Variants in DLGAP1 observed in about 807,000 individuals in gnomAD.
DLGAP1 encodes DLG associated protein 1, also known as disks large-associated protein 1.
In DLGAP1, 11 loss-of-function variants were observed where a neutral mutation model predicts 90.8. The ratio of observed to expected loss-of-function variants is 0.12; its 90% confidence interval spans 0.08 to 0.20. The LOEUF (loss-of-function observed/expected upper bound fraction) is 0.20, where lower values mean the gene tolerates loss of function less well. Ranked by LOEUF, DLGAP1 falls within the 10% of genes least tolerant of loss-of-function variation. The pLI, the probability that DLGAP1 is intolerant of heterozygous loss-of-function variation, is 1.00. For missense variants in DLGAP1, 1,050 were observed against 1,333.8 expected, an observed-to-expected ratio of 0.79 and a Z score of 3.31; for synonymous variants, 558 against 540.7, an observed-to-expected ratio of 1.03 and a Z score of -0.44.
chr18:4,384,604 CT>C (rs1174848317), intron 1 of DLGAP1, among the ~76,000 whole-genome samples: 1 of 152,058 alleles, frequency 6.6e-6, no homozygotes, highest in Non-Finnish European at 1.5e-5. Context: ...ATCAAATACT[CT>C]CTCTATATTT....
intron 2 of DLGAP1, among the ~76,000 whole-genome samples, chr18:4,042,672 G>A (rs1033855974): frequency 2.4e-4 from 36 of 152,294 alleles, no homozygotes; most frequent in African/African-American, 7.7e-4. Context: ...CCTCGGAGGC[G>A]AAGGTTGCAA....
chr18:4,280,296 T>C (rs555237503), intron 1 of DLGAP1, among the ~76,000 whole-genome samples: 183 of 152,346 alleles, frequency 1.2e-3, no homozygotes, highest in Non-Finnish European at 2.1e-3. Flanking sequence ...AAATATTTAT[T>C]GGAAACAATC....
At chr18:3,769,531 T>C (rs2064417148) in intron 5 of DLGAP1, among the ~76,000 whole-genome samples, 1 of 152,186 alleles carries the variant, frequency 6.6e-6, no homozygotes, top group South Asian at 2.1e-4. Flanking sequence ...TAAACTGTAG[T>C]ACATCCATGG....
chr18:4,099,329 ATCTATCTATCTATCTATCTGTCTG>A (rs201975649), intron 2 of DLGAP1, among the ~76,000 whole-genome samples: 3,025 of 145,760 alleles, frequency 0.021, 101 homozygotes, highest in African/African-American at 0.064. Flanking sequence ...CTATCTATCT[ATCTATCTATCTATCTATCTGTCTG>A]TCTGTCTATC....
chr18:4,382,771 C>G (rs1455966078), intron 1 of DLGAP1, among the ~76,000 whole-genome samples: 2 of 152,066 alleles, frequency 1.3e-5, no homozygotes, highest in East Asian at 3.9e-4. Context: ...CATGCTATCT[C>G]ACATGTATAC....
At chr18:4,400,498 C>G (rs2082532070) in intron 1 of DLGAP1, among the ~76,000 whole-genome samples, 1 of 152,122 alleles carries the variant, frequency 6.6e-6, no homozygotes, top group Non-Finnish European at 1.5e-5. Context: ...CAGGTTGGCT[C>G]TTTCCTGTGT....
intron 3 of DLGAP1, among the ~76,000 whole-genome samples, chr18:3,963,984 T>C (rs1190368758): frequency 6.6e-6 from 1 of 152,232 alleles, no homozygotes; most frequent in Non-Finnish European, 1.5e-5. Context: ...TTCTTTCTTT[T>C]TATTTCTATA....
chr18:3,650,334 G>A lies in DLGAP1; in HGVS notation c.1592-68086C>T, dbSNP rs2059252567. 3.3e-5 allele frequency among the ~76,000 whole-genome samples: 5 copies of A among 152,220 alleles called. No homozygotes were observed. The South Asian group carries it at 6.2e-4, about 19-fold the overall frequency. ...GCTGGGATTACAGTTGTGAGTCACC[G>A]TGCCTGGTTGAAACATTTATATTTC... is the stretch of plus-strand genomic sequence containing the variant. On this transcript the variant is annotated intron_variant, in intron 7 of 12. Transcript: ENST00000315677.
At chr18:3,948,472 C>A (rs890333558) in intron 3 of DLGAP1, among the ~76,000 whole-genome samples, 9 of 152,192 alleles carry the variant, frequency 5.9e-5, no homozygotes, top group Admixed American at 1.3e-4. Context: ...CTTCCTACTG[C>A]CTGCCTCTCT....
intron 1 of DLGAP1, among the ~76,000 whole-genome samples, chr18:4,195,561 T>TA (rs1296542767): frequency 1.3e-5 from 2 of 152,204 alleles, no homozygotes; most frequent in African/African-American, 4.8e-5. Flanking sequence ...TCTATTTATT[T>TA]TTTTTTTGAG....
intron 3 of DLGAP1, among the ~76,000 whole-genome samples, chr18:3,949,759 C>G (rs889319114): frequency 6.6e-6 from 1 of 152,056 alleles, no homozygotes; most frequent in African/African-American, 2.4e-5. Context: ...ATATTTTGTT[C>G]TAAAAATCTG....
intron 7 of DLGAP1, among the ~76,000 whole-genome samples, chr18:3,720,663 T>A (rs895690627): frequency 2.0e-5 from 3 of 152,088 alleles, no homozygotes; most frequent in Admixed American, 1.3e-4. Context: ...TTCCAACCGC[T>A]ATTAGTTTGC....
intron 10 of DLGAP1, among the ~76,000 whole-genome samples, chr18:3,518,690 C>T (rs1248650329): frequency 6.6e-6 from 1 of 152,168 alleles, no homozygotes; most frequent in African/African-American, 2.4e-5. Flanking sequence ...ACTCTTTTTC[C>T]TTTAATGGCC....
chr18:4,330,043 G>C (rs1020805254), intron 1 of DLGAP1, among the ~76,000 whole-genome samples: 1 of 151,890 alleles, frequency 6.6e-6, no homozygotes, highest in African/African-American at 2.4e-5. Flanking sequence ...TAAAATGCTT[G>C]ATAGACATTG....
chr18:3,977,911 C>A, intron 3 of DLGAP1: 1 of 362,130 alleles, frequency 2.8e-6, no homozygotes, highest in South Asian at 2.2e-5. Flanking sequence ...GGTCCATGAC[C>A]AACACGTTGG....
chr18:3,618,342 G>A (rs1006548856), intron 7 of DLGAP1, among the ~76,000 whole-genome samples: 12 of 152,070 alleles, frequency 7.9e-5, no homozygotes, highest in East Asian at 7.8e-4. Context: ...TTTGACTTCC[G>A]TATCAAAGCC....
intron 1 of DLGAP1, among the ~76,000 whole-genome samples, chr18:4,329,751 T>A (rs1202848462): frequency 2.0e-5 from 3 of 152,058 alleles, no homozygotes; most frequent in South Asian, 2.1e-4. Flanking sequence ...TATTATAAAT[T>A]CCATTGTTAA....
intron 2 of DLGAP1, among the ~76,000 whole-genome samples, chr18:4,006,720 A>G (rs2074309187): frequency 6.7e-6 from 1 of 150,288 alleles, no homozygotes; most frequent in Non-Finnish European, 1.5e-5. Flanking sequence ...ATCACAGCTC[A>G]CTGCATCCTT....
At chr18:3,796,301 A>G (rs952691020) in intron 5 of DLGAP1, among the ~76,000 whole-genome samples, 8 of 150,950 alleles carry the variant, frequency 5.3e-5, no homozygotes, top group African/African-American at 1.9e-4. Flanking sequence ...ATTTAATACT[A>G]TGGAAAACAT....
Sources: allele counts gnomAD v4.1 joint callset (sites outside exome capture counted in the v4.1 genomes callset), GRCh38; gene constraint gnomAD v4.1.1; transcripts MANE v1.5; gene names NCBI Gene and HGNC (gene_info 2026-07-23, HGNC 2026-07-21).